PRDM9: variants seen among roughly 807,000 people sequenced by gnomAD.
PRDM9 encodes the protein PR/SET domain 9, also known as histone-lysine N-methyltransferase PRDM9.
PRDM9 carries 47 observed loss-of-function variants against 55.6 expected under a neutral mutation model. The ratio of observed to expected loss-of-function variants is 0.85; its 90% confidence interval spans 0.67 to 1.08. The LOEUF (loss-of-function observed/expected upper bound fraction) is 1.08, where lower values mean the gene tolerates loss of function less well. Ranked by LOEUF, PRDM9 falls within the 50% of genes least tolerant of loss-of-function variation. The pLI is 0.00. For synonymous variants in PRDM9, 312 were observed against 375.7 expected, an observed-to-expected ratio of 0.83 and a Z score of 1.96; for missense variants, 867 against 1,040.3, an observed-to-expected ratio of 0.83 and a Z score of 2.29.
chr5:23,522,237 T>C (rs1026758603), intron 6 of PRDM9, 67 bp from the exon 7 acceptor site: 1 of 1,341,936 alleles, frequency 7.5e-7, no homozygotes, highest in Non-Finnish European at 1.1e-6. Context: ...GATTTCACAT[T>C]TTCTTATGAA....
In PRDM9 at chr5:23,521,217, T is replaced by A. The variant is rs771805630; in HGVS notation, c.508+38T>A. On this transcript the variant is annotated intron_variant, in intron 6 of 10. Transcript: ENST00000296682. ...ATTTGCGGGGACTTTAGTCCCTCTA[T>A]GTCCTCTAGAAAGGTTGATGAGTAT... 4 of 1,608,694 alleles carry A rather than the reference T, an allele frequency of 2.5e-6. No individual in the cohort carries two copies. In the South Asian group the frequency reaches 4.4e-5, roughly 18 times the overall value.
At chr5:23,516,605 C>T (rs187475623) in intron 4 of PRDM9, among the ~76,000 whole-genome samples, 1,673 of 151,940 alleles carry the variant, frequency 0.011, 23 homozygotes, top group Non-Finnish European at 0.013. Flanking sequence ...ATCTCCTGAC[C>T]TCGTGATCTG....
intron 10 of PRDM9, among the ~76,000 whole-genome samples, chr5:23,524,754 C>T (rs900007824): frequency 2.0e-5 from 3 of 152,142 alleles, no homozygotes; most frequent in Admixed American, 6.5e-5. Flanking sequence ...ACTTCATGCA[C>T]AAAGTATATA....
rs773429633 is a variant in PRDM9, at chr5:23,509,912, C to T, written c.194-8C>T. On this transcript the variant is annotated splice_region_variant and splice_polypyrimidine_tract_variant and intron_variant, in intron 3 of 10. Transcript: ENST00000296682. ...CCATTTTAGAACAAAATTTTTGCTTCTTTTCAGGTCTCAGAGCCACTCGAC... is the reference window on the plus strand; with the variant it reads ...CCATTTTAGAACAAAATTTTTGCTTTTTTTCAGGTCTCAGAGCCACTCGAC... 2 of 1,614,034 alleles carry T rather than the reference C, an allele frequency of 1.2e-6. No homozygotes were observed. Among genetic ancestry groups the T allele is most frequent in the Non-Finnish European group, 1.7e-6 (2 of 1,180,004 alleles).
Position 23,522,874 on chromosome 5 carries a change from T to C in PRDM9, c.871T>C (p.Tyr291His). Residue 291 changes from tyrosine (Y) to histidine (H), a missense_variant, in exon 8 of 11, where the codon TAC becomes CAC. This residue lies in a region of PRDM9 where 662 missense variants were observed against 711.9 expected (regional missense o/e 0.93). Transcript: ENST00000296682. ...TEDEEAANNGYSWLITKGRNC... is the reference protein window; with the variant it reads ...TEDEEAANNGHSWLITKGRNC... ...AGACGAAGAGGCAGCCAACAATGGATACTCCTGGCTGGTAAGAAGAGCCTG... is the reference window on the plus strand; with the variant it reads ...AGACGAAGAGGCAGCCAACAATGGACACTCCTGGCTGGTAAGAAGAGCCTG... The C allele has an allele frequency of 6.2e-7, 1 of 1,614,262 alleles. No homozygotes were observed.
At chr5:23,512,971 G>A (rs1177292709) in intron 4 of PRDM9, among the ~76,000 whole-genome samples, 1 of 152,042 alleles carries the variant, frequency 6.6e-6, no homozygotes, top group Non-Finnish European at 1.5e-5. Context: ...TCTTTTTTAA[G>A]GCTGAATAAT....
At chr5:23,516,626 C>A (rs918627517) in intron 4 of PRDM9, among the ~76,000 whole-genome samples, 1 of 151,940 alleles carries the variant, frequency 6.6e-6, no homozygotes, top group African/African-American at 2.4e-5. Flanking sequence ...CGCACCTCAA[C>A]CTCCCAAAGT....
rs1739513760 is a variant in PRDM9, at chr5:23,527,921, G to C, written c.*148G>C. 3.8e-6 allele frequency: 4 copies of C among 1,059,086 alleles called. No individual in the cohort carries two copies. 65.6% of individuals were successfully genotyped at this position (1,059,086 alleles called of 1,614,324 possible). ...GAGTATAAAGAGATCGGAAATAACT[G>C]ATTAAACAAATCCGCCACTTTCATG... On this transcript the variant is annotated 3_prime_UTR_variant, in exon 11 of 11. Transcript: ENST00000296682.
chr5:23,517,718 G>A (rs1739242127), intron 4 of PRDM9, among the ~76,000 whole-genome samples, 163 bp from the exon 5 acceptor site: 1 of 152,014 alleles, frequency 6.6e-6, no homozygotes, highest in African/African-American at 2.4e-5. Flanking sequence ...ATCCGGGAGA[G>A]GGAGGTTGCA....
chr5:23,521,001 A>T (rs747041691), intron 5 of PRDM9, 22 bp from the exon 6 acceptor site: 1 of 1,613,250 alleles, frequency 6.2e-7, no homozygotes, highest in African/African-American at 1.3e-5. Flanking sequence ...TTGTCTTTTA[A>T]TATGTGACTC....
At chr5:23,517,205 T>A (rs1201096322) in intron 4 of PRDM9, among the ~76,000 whole-genome samples, 1 of 151,178 alleles carries the variant, frequency 6.6e-6, no homozygotes, top group African/African-American at 2.4e-5. Context: ...GATCTTTTTA[T>A]GTTAAAGTGA....
intron 9 of PRDM9, 102 bp downstream of exon 9, chr5:23,523,460 C>T (rs1739374482): frequency 1.6e-6 from 2 of 1,269,028 alleles, no homozygotes; most frequent in South Asian, 2.4e-5. Flanking sequence ...TTTCACATTC[C>T]CTATTTCTAT....
At position 23,522,310 on chromosome 5, in the gene PRDM9, G is replaced by A. The variant is rs759881777; in HGVS notation, c.515G>A (p.Arg172Lys). The A allele has an allele frequency of 3.1e-6, 5 of 1,613,234 alleles. No individual in the cohort carries two copies. The African/African-American group carries it at 6.7e-5, about 22-fold the overall frequency. ...CTACTCTTCTCCAACCTAGAACTCA[G>A]GAAGAAGGAGACTGAAAGAAAGATG... The part of the protein sequence containing the change: ...GQHSRLKLEL[R>K]KKETERKMYS... Residue 172 changes from arginine (R) to lysine (K), a missense_variant, in exon 7 of 11, where the codon AGG (arginine) becomes AAG (lysine). Arg to Lys is a conservative substitution (Grantham distance 26, BLOSUM62 2). Coordinates refer to ENST00000296682, the MANE Select transcript of PRDM9 (RefSeq NM_020227.4).
At chr5:23,522,255 C>G (rs200636348) in intron 6 of PRDM9, 49 bp from the exon 7 acceptor site, 1 of 1,458,008 alleles carries the variant, frequency 6.9e-7, no homozygotes, top group Non-Finnish European at 9.6e-7. Flanking sequence ...GAAACAAGGA[C>G]AAACACCCCA....
chr5:23,510,830 C>G (rs569439619), intron 4 of PRDM9, among the ~76,000 whole-genome samples: 1 of 151,802 alleles, frequency 6.6e-6, no homozygotes, highest in Non-Finnish European at 1.5e-5. Flanking sequence ...AGGCACCGTG[C>G]ATAGCCCCCA....
At chr5:23,510,671 G>GA (rs1561016827) in intron 4 of PRDM9, among the ~76,000 whole-genome samples, 70 of 116,484 alleles carry the variant, frequency 6.0e-4, no homozygotes, top group African/African-American at 1.9e-3. Context: ...GATGATGATG[G>GA]TGATTGTTAC....
intron 3 of PRDM9, 110 bp downstream of exon 3, chr5:23,509,703 C>T: frequency 6.3e-7 from 1 of 1,576,426 alleles, no homozygotes; most frequent in Middle Eastern, 1.7e-4. Context: ...TTCCCTTTTT[C>T]ATGTAGACAA....
At position 23,527,865 on chromosome 5, in the gene PRDM9, C is replaced by T. The variant is rs1174594008; in HGVS notation, c.*92C>T. 11 of 1,503,348 alleles carry T rather than the reference C, an allele frequency of 7.3e-6. No homozygotes were observed. Among genetic ancestry groups the T allele is most frequent in the African/African-American group, 1.4e-5 (1 of 72,470 alleles). 93.1% of individuals were successfully genotyped at this position (1,503,348 alleles called of 1,614,324 possible). ...CACCCCAGCTGTGAGGTGGCTTCAGCGGAAGTCTGCTGACCCCTTATATTC... is the reference window on the plus strand; with the variant it reads ...CACCCCAGCTGTGAGGTGGCTTCAGTGGAAGTCTGCTGACCCCTTATATTC... On this transcript the variant is annotated 3_prime_UTR_variant, in exon 11 of 11. Transcript: ENST00000296682.
chr5:23,511,974 C>CTT, intron 4 of PRDM9, among the ~76,000 whole-genome samples: 1 of 140,196 alleles, frequency 7.1e-6, no homozygotes, highest in Middle Eastern at 3.7e-3. Flanking sequence ...ATTTGTCATT[C>CTT]TTTTTTTTTT....
Sources: allele counts gnomAD v4.1 joint callset (sites outside exome capture counted in the v4.1 genomes callset), GRCh38; gene constraint gnomAD v4.1.1; regional missense constraint gnomAD v4.1.1; transcripts MANE v1.5; gene names NCBI Gene and HGNC (gene_info 2026-07-23, HGNC 2026-07-21).